Variants in WWOX observed in about 807,000 individuals in gnomAD.
WWOX encodes WW domain containing oxidoreductase.
A neutral mutation model predicts 46.2 loss-of-function variants in WWOX; 69 were observed. The ratio of observed to expected loss-of-function variants is 1.49; its 90% CI spans 1.23 to 1.82. The LOEUF (loss-of-function observed/expected upper bound fraction) is 1.82. Ranked by LOEUF, WWOX falls within the 40% of genes most tolerant of loss-of-function variation. The pLI is 0.00. For missense variants in WWOX, 919 were observed against 542.6 expected, an observed-to-expected ratio of 1.69 and a Z score of -6.89; for synonymous variants, 359 against 202.6, an observed-to-expected ratio of 1.77 and a Z score of -6.56.
chr16:78,559,802 C>G (rs1567644465), intron 8 of WWOX, among the ~76,000 whole-genome samples: 1 of 152,176 alleles, frequency 6.6e-6, no homozygotes, highest in Non-Finnish European at 1.5e-5. Flanking sequence ...ATTCTCAGCC[C>G]ATTCATCTTA....
intron 8 of WWOX, among the ~76,000 whole-genome samples, chr16:78,703,676 A>G (rs1948722531): frequency 6.6e-6 from 1 of 151,994 alleles, no homozygotes; most frequent in Admixed American, 6.6e-5. Context: ...AAGAATCACC[A>G]TAAAAAAGAT....
At chr16:78,875,945 C>T (rs542638697) in intron 8 of WWOX, among the ~76,000 whole-genome samples, 4 of 152,230 alleles carry the variant, frequency 2.6e-5, no homozygotes, top group African/African-American at 9.6e-5. Context: ...GGAATAATCA[C>T]CCTCCCTTAT....
chr16:78,168,537 C>G (rs952821622), intron 5 of WWOX: 1 of 151,924 alleles, frequency 6.6e-6, no homozygotes, highest in African/African-American at 2.4e-5. Flanking sequence ...GAGTCAGGCT[C>G]CTTGCTTGGT....
intron 5 of WWOX, among the ~76,000 whole-genome samples, chr16:78,356,907 A>G (rs948034760): frequency 2.0e-5 from 3 of 152,144 alleles, no homozygotes; most frequent in Non-Finnish European, 2.9e-5. Flanking sequence ...AAAAGTTCCA[A>G]TACACAATAT....
chr16:78,940,194 A>G (rs150868098), intron 8 of WWOX, among the ~76,000 whole-genome samples: 116 of 152,348 alleles, frequency 7.6e-4, no homozygotes, highest in Non-Finnish European at 1.5e-3. Context: ...ATGCTGTATT[A>G]CACACATTAT....
intron 5 of WWOX, among the ~76,000 whole-genome samples, chr16:78,317,734 C>T (rs1460533219): frequency 1.3e-5 from 2 of 152,076 alleles, no homozygotes; most frequent in Non-Finnish European, 2.9e-5. Context: ...CCCCATGGGC[C>T]CCCTTCACGG....
intron 8 of WWOX, among the ~76,000 whole-genome samples, chr16:79,189,067 A>G (rs2150802814): frequency 6.6e-6 from 1 of 152,324 alleles, no homozygotes; most frequent in East Asian, 1.9e-4. Context: ...AAAAATACAG[A>G]TACGTGTATA....
At chr16:78,987,621 G>A (rs567985080) in intron 8 of WWOX, among the ~76,000 whole-genome samples, 1 of 152,138 alleles carries the variant, frequency 6.6e-6, no homozygotes, top group Non-Finnish European at 1.5e-5. Flanking sequence ...GCTCCCTCAT[G>A]TTTCAAGTGG....
At chr16:78,121,993 A>G (rs1458755939) in intron 4 of WWOX, among the ~76,000 whole-genome samples, 1 of 152,156 alleles carries the variant, frequency 6.6e-6, no homozygotes, top group Admixed American at 6.5e-5. Context: ...CAGTTACCTG[A>G]GGTCAACAGG....
chr16:78,850,910 T>G (rs1301776329), intron 8 of WWOX, among the ~76,000 whole-genome samples: 1 of 152,214 alleles, frequency 6.6e-6, no homozygotes, highest in Non-Finnish European at 1.5e-5. Context: ...CACTTATTGA[T>G]CAGTCATGAA....
rs142343882 is a variant in WWOX, at chr16:79,155,231, C to T, written c.1057-56377C>T. 2.7e-3 allele frequency among the ~76,000 whole-genome samples: 405 copies of T among 152,266 alleles called. 8 individuals carry two copies. In the East Asian group the frequency reaches 0.054, roughly 20 times the overall value. On this transcript the variant is annotated intron_variant, in intron 8 of 8. Coordinates refer to ENST00000566780, the MANE Select transcript of WWOX (RefSeq NM_016373.4). ...TCTCTCCTAAAAATACAAAAATTAG[C>T]TGGGCATGGTGGCGTGTGCCTGTAG...
intron 8 of WWOX, among the ~76,000 whole-genome samples, chr16:79,202,453 C>G (rs1427224588): frequency 6.6e-6 from 1 of 152,102 alleles, no homozygotes; most frequent in Admixed American, 6.6e-5. Flanking sequence ...CCTTGTGATT[C>G]TAGATGTTTT....
chr16:78,962,442 C>G (rs955851383), intron 8 of WWOX, among the ~76,000 whole-genome samples: 1 of 150,546 alleles, frequency 6.6e-6, no homozygotes, highest in South Asian at 2.1e-4. Flanking sequence ...CCTTGTAGGC[C>G]AAGCTTACTC....
At chr16:78,603,046 C>T (rs572003443) in intron 8 of WWOX, among the ~76,000 whole-genome samples, 2 of 152,152 alleles carry the variant, frequency 1.3e-5, no homozygotes, top group African/African-American at 4.8e-5. Context: ...AAATTGTGAA[C>T]GGGGTGGAGG....
At chr16:78,640,282 C>G (rs1329328875) in intron 8 of WWOX, among the ~76,000 whole-genome samples, 1 of 116,992 alleles carries the variant, frequency 8.5e-6, no homozygotes, top group African/African-American at 3.4e-5. Flanking sequence ...TGACTTTTAG[C>G]GAATGGATAC....
intron 8 of WWOX, among the ~76,000 whole-genome samples, chr16:79,142,276 C>T (rs1567578513): frequency 6.6e-6 from 1 of 152,076 alleles, no homozygotes; most frequent in Non-Finnish European, 1.5e-5. Flanking sequence ...ACGGGTGCCT[C>T]CAAGCATATA....
intron 8 of WWOX, among the ~76,000 whole-genome samples, chr16:78,653,700 T>C (rs376560847): frequency 8.5e-5 from 13 of 152,198 alleles, no homozygotes; most frequent in African/African-American, 3.1e-4. Context: ...TTGTGGCATT[T>C]TAGAGCCACT....
intron 5 of WWOX, among the ~76,000 whole-genome samples, chr16:78,383,208 AC>A (rs1164682512): frequency 1.3e-5 from 2 of 152,020 alleles, no homozygotes; most frequent in African/African-American, 4.8e-5. Context: ...GAGCCAAACC[AC>A]ATCAGGTGAC....
intron 8 of WWOX, among the ~76,000 whole-genome samples, chr16:79,021,938 T>A (rs1161726227): frequency 1.3e-5 from 2 of 152,242 alleles, no homozygotes; most frequent in Non-Finnish European, 2.9e-5. Context: ...CCCAGTTCAC[T>A]GAGAGTTAAA....
Sources: allele counts gnomAD v4.1 joint callset (sites outside exome capture counted in the v4.1 genomes callset), GRCh38; gene constraint gnomAD v4.1.1; transcripts MANE v1.5; gene names NCBI Gene and HGNC (gene_info 2026-07-23, HGNC 2026-07-21).